PDPR: variants seen among roughly 807,000 people sequenced by gnomAD.
PDPR encodes pyruvate dehydrogenase phosphatase regulatory subunit, mitochondrial.
PDPR carries 50 observed loss-of-function variants against 102.2 expected under a neutral mutation model. The ratio of observed to expected loss-of-function variants is 0.49; its 90% CI spans 0.39 to 0.62. The LOEUF (loss-of-function observed/expected upper bound fraction) is 0.62, where lower values mean the gene tolerates loss of function less well. Ranked by LOEUF, PDPR falls within the 20% of genes least tolerant of loss-of-function variation. The pLI, the probability that PDPR is intolerant of heterozygous loss-of-function variation, is 0.00. For missense variants in PDPR, 625 were observed against 1,098.2 expected (o/e 0.57, Z 6.09); for synonymous variants, 259 against 406.0 (o/e 0.64, Z 4.35).
At chr16:70,163,268 T>TG (rs1364183705), downstream of PDPR, among the ~76,000 whole-genome samples, 1 of 151,570 alleles carries the variant, frequency 6.6e-6, no homozygotes, top group South Asian at 2.1e-4. Flanking sequence ...TTTGAGTAGT[T>TG]TTTTTTTTTT....
rs1251771521 is a variant in PDPR, at chr16:70,153,486, G to A, written c.2148G>A (p.Glu716=). 2 of 1,613,286 alleles carry A rather than the reference G, an allele frequency of 1.2e-6. No homozygotes were observed. Among genetic ancestry groups the A allele is most frequent in the African/African-American group, 1.3e-5 (1 of 74,954 alleles). ...ACGCTCTTCGCAGTCTCCGAATTGA[G>A]AAGTTTTTTGCCTTCTGGGGTCAGG... is the stretch of plus-strand genomic sequence containing the variant. The part of the protein sequence containing the change: ...GYYALRSLRI[E]KFFAFWGQDI... The change falls in exon 18 of 19, where the codon GAG becomes GAA. Residue 716 remains glutamate (E), a synonymous_variant. Transcript: ENST00000288050.
intron 17 of PDPR, 103 bp from the exon 18 acceptor site, chr16:70,153,288 T>C (rs1286411076): frequency 4.0e-6 from 5 of 1,262,994 alleles, no homozygotes; most frequent in Non-Finnish European, 5.4e-6. Flanking sequence ...ATACGCCTCC[T>C]CTCTTGTCCA....
intron 3 of PDPR, among the ~76,000 whole-genome samples, chr16:70,124,926 C>A (rs1351848779): frequency 6.6e-6 from 1 of 152,286 alleles, no homozygotes; most frequent in Non-Finnish European, 1.5e-5. Flanking sequence ...CACCTGCTTT[C>A]TTGACATATG....
In PDPR at chr16:70,153,624, T is replaced by C; in HGVS notation, c.2235+51T>C. The C allele has an allele frequency of 3.3e-6, 5 of 1,510,096 alleles. No individual in the cohort carries two copies. In the South Asian group the frequency reaches 6.4e-5, roughly 19 times the overall value. The allele number at this position is 1,510,096 out of a possible 1,614,324, so 93.5% of individuals were successfully genotyped here. On this transcript the variant is annotated intron_variant, in intron 18 of 18. Coordinates refer to ENST00000288050, the MANE Select transcript of PDPR (RefSeq NM_017990.5). Reference sequence around the variant, plus strand: ...TTCACTCAGCATCCCGAGTAGTGAATCTGCACTAGACTAGGAAGAAGAACT... The same window carrying C: ...TTCACTCAGCATCCCGAGTAGTGAACCTGCACTAGACTAGGAAGAAGAACT...
At position 70,156,717 on chromosome 16, in the gene PDPR, A is replaced by C; in HGVS notation, c.2478A>C (p.Glu826Asp). 6.2e-7 allele frequency: 1 copy of C among 1,613,966 alleles called. No homozygotes were observed. Among genetic ancestry groups the C allele is most frequent in the Non-Finnish European group, 8.5e-7 (1 of 1,179,918 alleles). ...FVHNFSEDTG[E>D]EQVVTADFIN... is the part of the protein sequence containing the mutation. ...ACAATTTTTCTGAGGACACGGGGGA[A>C]GAGCAAGTGGTGACAGCAGATTTCA... The change falls in exon 19 of 19, where the codon GAA becomes GAC. Residue 826 changes from glutamate (E) to aspartate (D), a missense_variant. Physicochemically the swap from Glu to Asp is conservative, Grantham distance 45. Around this residue, in one of 11 missense-constraint regions of PDPR, gnomAD observed 303 missense variants for 258.9 expected, o/e 1.17. Transcript: ENST00000288050.
At chr16:70,151,268 A>G (rs1429855553) in intron 17 of PDPR, among the ~76,000 whole-genome samples, 1 of 152,172 alleles carries the variant, frequency 6.6e-6, no homozygotes, top group East Asian at 1.9e-4. Flanking sequence ...GAGAGTCTCA[A>G]TATGTTGCCC....
At chr16:70,156,228 A>G in intron 18 of PDPR, 2 of 548,930 alleles carry the variant, frequency 3.6e-6, no homozygotes, top group Non-Finnish European at 6.3e-6. Flanking sequence ...TTGTGACTTT[A>G]TGTTTATAAA....
chr16:70,151,082 A>C (rs1015154618), intron 17 of PDPR, among the ~76,000 whole-genome samples: 8 of 152,188 alleles, frequency 5.3e-5, no homozygotes, highest in African/African-American at 1.9e-4. Context: ...CTACAGGCAC[A>C]CGCCACCACA....
At chr16:70,115,949 C>T (rs1415548178) in intron 2 of PDPR, among the ~76,000 whole-genome samples, 1 of 152,060 alleles carries the variant, frequency 6.6e-6, no homozygotes. Flanking sequence ...GGTTTGGCGG[C>T]AAAGGCACTA....
chr16:70,121,236 T>A (rs1436335413), intron 3 of PDPR, among the ~76,000 whole-genome samples: 1 of 152,106 alleles, frequency 6.6e-6, no homozygotes, highest in East Asian at 1.9e-4. Flanking sequence ...AGGCTTAGTT[T>A]CTCTGTGCTC....
At chr16:70,144,999 A>G (rs1336879446) in intron 15 of PDPR, among the ~76,000 whole-genome samples, 2 of 152,094 alleles carry the variant, frequency 1.3e-5, no homozygotes, top group African/African-American at 4.8e-5. Flanking sequence ...TTACACCTGT[A>G]ATCCCAGCAC....
intron 3 of PDPR, among the ~76,000 whole-genome samples, chr16:70,124,230 G>A (rs1323623347): frequency 1.3e-5 from 2 of 152,196 alleles, no homozygotes; most frequent in South Asian, 2.1e-4. Flanking sequence ...GGGCGTGGTG[G>A]CATAAGCCTG....
chr16:70,129,506 G>A (rs975707092), intron 6 of PDPR, among the ~76,000 whole-genome samples: 15 of 152,366 alleles, frequency 9.8e-5, no homozygotes, highest in Admixed American at 5.2e-4. Context: ...CACTACACCC[G>A]GCTAATTTTT....
chr16:70,123,984 G>A (rs896937694), intron 3 of PDPR, among the ~76,000 whole-genome samples: 1 of 152,214 alleles, frequency 6.6e-6, no homozygotes, highest in African/African-American at 2.4e-5. Context: ...GAATCCAGGA[G>A]GCGGAGGATG....
chr16:70,124,547 C>G (rs1963723669), intron 3 of PDPR, among the ~76,000 whole-genome samples: 1 of 152,284 alleles, frequency 6.6e-6, no homozygotes, highest in African/African-American at 2.4e-5. Context: ...AGACCTCTCC[C>G]CAGAACAAAC....
At chr16:70,127,166 T>G in intron 3 of PDPR, 94 bp from the exon 4 acceptor site, 2 of 1,540,850 alleles carry the variant, frequency 1.3e-6, no homozygotes, top group Non-Finnish European at 1.7e-6. Context: ...GTTTCCATCT[T>G]TTGGTGTTAG....
At position 70,135,045 on chromosome 16, in the gene PDPR, G is replaced by A. The variant is rs1460678292; in HGVS notation, c.998-1149G>A. ...TGAAGACCAGCCTGGGCAACATGGC[G>A]AGACTGGAGACTATGTGTCTACTAA... On this transcript the variant is annotated intron_variant, in intron 9 of 18. Transcript: ENST00000288050. Among the ~76,000 whole-genome samples, 7 of 152,296 alleles carry A rather than the reference G, an allele frequency of 4.6e-5. No homozygotes were observed. The South Asian group carries it at 8.3e-4, about 18-fold the overall frequency.
rs1967271180 is a variant in PDPR, at chr16:70,156,834, G to A, written c.2595G>A (p.Lys865=). 4 of 1,614,042 alleles carry A rather than the reference G, an allele frequency of 2.5e-6. No homozygotes were observed. Among genetic ancestry groups the A allele is most frequent in the Non-Finnish European group, 3.4e-6 (4 of 1,179,892 alleles). Residue 865 remains lysine, a synonymous_variant, in exon 19 of 19, where the codon AAG becomes AAA. Coordinates refer to ENST00000288050, the MANE Select transcript of PDPR (RefSeq NM_017990.5). ...CTGTCGCCTCCCTCTTCACCCAGAA[G>A]CGCCGAAAGGATGACATGGAGCTGA... ...LYPVASLFTQ[K]RRKDDMELSD...
chr16:70,133,434 T>TTTTTTTTTTTTTTTG (rs3972154), intron 9 of PDPR, among the ~76,000 whole-genome samples: 2 of 143,694 alleles, frequency 1.4e-5, no homozygotes, highest in African/African-American at 2.6e-5. Flanking sequence ...TTTTTTTTTT[T>TTTTTTTTTTTTTTTG]GAGATAAGAG....
Sources: allele counts gnomAD v4.1 joint callset (sites outside exome capture counted in the v4.1 genomes callset), GRCh38; gene constraint gnomAD v4.1.1; regional missense constraint gnomAD v4.1.1; transcripts MANE v1.5; gene names NCBI Gene and HGNC (gene_info 2026-07-23, HGNC 2026-07-21).